Variants in TAFA2 observed in about 807,000 individuals in gnomAD.
The protein encoded by TAFA2 is chemokine-like protein TAFA-2.
TAFA2 carries 7 observed loss-of-function variants against 18.8 expected under a neutral mutation model. The observed-to-expected ratio is 0.37, with a 90% confidence interval of 0.21 to 0.70. TAFA2 has a LOEUF of 0.70. Ranked by LOEUF, TAFA2 falls within the 30% of genes least tolerant of loss-of-function variation. The pLI is 0.53. For missense variants in TAFA2, 122 were observed against 158.1 expected (o/e 0.77, Z 1.23); for synonymous variants, 60 against 54.2 (o/e 1.11, Z -0.47).
chr12:62,026,585 C>T (rs1881317618), intron 1 of TAFA2, among the ~76,000 whole-genome samples: 1 of 152,154 alleles, frequency 6.6e-6, no homozygotes, highest in South Asian at 2.1e-4. Flanking sequence ...ATTCCTCTAT[C>T]AGCTGGCAGA....
chr12:61,946,438 A>G (rs1216989887), intron 1 of TAFA2, among the ~76,000 whole-genome samples: 1 of 100,982 alleles, frequency 9.9e-6, no homozygotes, highest in Non-Finnish European at 2.0e-5. Context: ...AATGGCAACG[A>G]AAGCCAAAAT....
intron 2 of TAFA2, among the ~76,000 whole-genome samples, chr12:61,849,815 T>A (rs1351546139): frequency 6.6e-6 from 1 of 152,218 alleles, no homozygotes; most frequent in Non-Finnish European, 1.5e-5. Flanking sequence ...AAGGAAATTA[T>A]AAGATATACA....
At chr12:62,235,450 C>T (rs944088537) in intron 1 of TAFA2, 15 of 619,036 alleles carry the variant, frequency 2.4e-5, no homozygotes, top group African/African-American at 9.3e-5. Context: ...CAGCCTGGTG[C>T]GCCGCCTGCC....
chr12:62,018,986 C>T (rs1881029659), intron 1 of TAFA2, among the ~76,000 whole-genome samples: 1 of 152,042 alleles, frequency 6.6e-6, no homozygotes, highest in Non-Finnish European at 1.5e-5. Flanking sequence ...AAGAAAAAAA[C>T]AAACAACCCC....
intron 1 of TAFA2, among the ~76,000 whole-genome samples, chr12:62,248,336 T>C (rs1217881009): frequency 1.3e-5 from 2 of 152,198 alleles, no homozygotes; most frequent in Non-Finnish European, 2.9e-5. Context: ...TGAGTTGTAA[T>C]GCACAGCAAA....
chr12:62,212,781 GAAAT>G (rs1330646967), intron 1 of TAFA2, among the ~76,000 whole-genome samples: 5 of 152,056 alleles, frequency 3.3e-5, no homozygotes, highest in South Asian at 2.1e-4. Context: ...TTTCTCAAGA[GAAAT>G]AAATAAATTA....
At chr12:61,847,635 G>GT (rs2121148216) in intron 2 of TAFA2, among the ~76,000 whole-genome samples, 1 of 152,210 alleles carries the variant, frequency 6.6e-6, no homozygotes, top group South Asian at 2.1e-4. Context: ...TCTTACAAAA[G>GT]TTTGTCTAAC....
intron 1 of TAFA2, among the ~76,000 whole-genome samples, chr12:62,225,610 T>A (rs1460132235): frequency 6.6e-6 from 1 of 152,048 alleles, no homozygotes; most frequent in Admixed American, 6.6e-5. Flanking sequence ...ATTTTCCTTA[T>A]ATAGTAAAGA....
intron 2 of TAFA2, among the ~76,000 whole-genome samples, chr12:61,762,867 C>T (rs1869620441): frequency 6.6e-6 from 1 of 151,924 alleles, no homozygotes; most frequent in Non-Finnish European, 1.5e-5. Flanking sequence ...ATAGTTTACC[C>T]AGCCTGACTA....
chr12:62,149,857 T>C (rs766536633), intron 1 of TAFA2, among the ~76,000 whole-genome samples: 3 of 152,180 alleles, frequency 2.0e-5, no homozygotes, highest in Non-Finnish European at 2.9e-5. Flanking sequence ...GGAACTGCAA[T>C]ATGACAAACA....
Position 61,836,946 on chromosome 12 carries a change from CATAA to C in TAFA2, c.106+30370_106+30373del, listed in dbSNP as rs1007916391. 9.9e-5 allele frequency among the ~76,000 whole-genome samples: 15 copies of C among 151,244 alleles called. No homozygotes were observed. In the East Asian group the frequency reaches 2.5e-3, roughly 25 times the overall value. On this transcript the variant is annotated intron_variant, in intron 2 of 4. Coordinates refer to ENST00000416284, the MANE Select transcript of TAFA2 (RefSeq NM_178539.5). ...TGAAGGCTATTATTTTATTATCTGT[CATAA>C]ATACTTTTGAAGCCTATTTCTACCA...
intron 1 of TAFA2, among the ~76,000 whole-genome samples, chr12:61,909,238 C>A (rs1360573312): frequency 6.6e-6 from 1 of 152,042 alleles, no homozygotes; most frequent in Non-Finnish European, 1.5e-5. Context: ...AGGTGAGTAA[C>A]AAAAGTTTGA....
intron 1 of TAFA2, among the ~76,000 whole-genome samples, chr12:61,954,307 G>A (rs918167589): frequency 6.6e-6 from 1 of 152,158 alleles, no homozygotes; most frequent in Non-Finnish European, 1.5e-5. Flanking sequence ...TACAGAGCTA[G>A]TAATAGGAAA....
intron 2 of TAFA2, among the ~76,000 whole-genome samples, chr12:61,763,595 C>G (rs993563300): frequency 6.6e-6 from 1 of 151,754 alleles, no homozygotes; most frequent in Non-Finnish European, 1.5e-5. Context: ...AAAAGAGGTA[C>G]GAGACCACTG....
At chr12:62,091,653 A>G (rs912932490) in intron 1 of TAFA2, among the ~76,000 whole-genome samples, 1 of 151,914 alleles carries the variant, frequency 6.6e-6, no homozygotes, top group Non-Finnish European at 1.5e-5. Flanking sequence ...TGCCATTTTT[A>G]TCATTACCCA....
chr12:62,136,702 C>G (rs1163481036), intron 1 of TAFA2, among the ~76,000 whole-genome samples: 1 of 152,078 alleles, frequency 6.6e-6, no homozygotes, highest in East Asian at 1.9e-4. Context: ...CATCTTCTAA[C>G]CACAAAGTGT....
chr12:61,834,517 C>T (rs180882555), intron 2 of TAFA2, among the ~76,000 whole-genome samples: 293 of 152,132 alleles, frequency 1.9e-3, no homozygotes, highest in Non-Finnish European at 2.6e-3. Context: ...GCTCCATTTC[C>T]AATAGAGAAC....
intron 1 of TAFA2, among the ~76,000 whole-genome samples, chr12:62,151,733 A>T (rs2062329828): frequency 6.6e-6 from 1 of 152,252 alleles, no homozygotes; most frequent in Non-Finnish European, 1.5e-5. Context: ...TTGTACATAA[A>T]ATAGAAATCT....
chr12:62,246,929 G>GTTT (rs57765904), intron 1 of TAFA2, among the ~76,000 whole-genome samples: 2 of 150,924 alleles, frequency 1.3e-5, no homozygotes, highest in Non-Finnish European at 3.0e-5. Flanking sequence ...GTTTTGTTTT[G>GTTT]TTTTTTTTAA....
Sources: gnomAD v4.1 joint callset for allele counts (sites outside exome capture counted in the v4.1 genomes callset) on GRCh38, gnomAD v4.1.1 for gene constraint, MANE v1.5 for transcripts, NCBI Gene and HGNC (gene_info 2026-07-23, HGNC 2026-07-21) for gene names.